Variants in ADAMTS19 observed in about 807,000 individuals in gnomAD.
ADAMTS19 encodes A disintegrin and metalloproteinase with thrombospondin motifs 19.
Under a neutral mutation model 153.3 loss-of-function variants are expected in ADAMTS19, and 93 were observed. That is an observed-to-expected ratio of 0.61 (90% CI 0.51 to 0.72). The LOEUF (loss-of-function observed/expected upper bound fraction) is 0.72. ADAMTS19 is among the 30% of genes least tolerant of loss of function. ADAMTS19 has a pLI of 0.00. For synonymous variants in ADAMTS19, 600 were observed against 556.6 expected (o/e 1.08, Z -1.10); for missense variants, 1,482 against 1,552.1 (o/e 0.95, Z 0.76).
chr5:129,671,836 A>G (rs1202417805), intron 16 of ADAMTS19, among the ~76,000 whole-genome samples: 1 of 152,206 alleles, frequency 6.6e-6, no homozygotes, highest in Non-Finnish European at 1.5e-5. Context: ...AAAAAATCTC[A>G]AAAAGGTCAT....
At chr5:129,462,085 G>A (rs964573792) in intron 2 of ADAMTS19, among the ~76,000 whole-genome samples, 1 of 152,268 alleles carries the variant, frequency 6.6e-6, no homozygotes, top group African/African-American at 2.4e-5. Context: ...TCCAAACTAA[G>A]CGCTCCACGT....
At chr5:129,693,323 C>T (rs987552824) in intron 18 of ADAMTS19, among the ~76,000 whole-genome samples, 1 of 152,154 alleles carries the variant, frequency 6.6e-6, no homozygotes, top group Admixed American at 6.6e-5. Flanking sequence ...ATGCCAGCTG[C>T]TCTTTCTGTT....
intron 2 of ADAMTS19, among the ~76,000 whole-genome samples, chr5:129,498,715 C>T (rs1581009705): frequency 1.3e-5 from 2 of 151,828 alleles, no homozygotes; most frequent in Non-Finnish European, 2.9e-5. Flanking sequence ...ATGGCAGGCT[C>T]CTTCTTTCAC....
intron 2 of ADAMTS19, among the ~76,000 whole-genome samples, chr5:129,464,149 A>G (rs1039050454): frequency 3.9e-5 from 6 of 152,244 alleles, no homozygotes; most frequent in African/African-American, 1.2e-4. Flanking sequence ...AGGGAATGAT[A>G]AAGAATGTCT....
chr5:129,482,482 A>G (rs1259453391), intron 2 of ADAMTS19, among the ~76,000 whole-genome samples: 2 of 152,206 alleles, frequency 1.3e-5, no homozygotes, highest in African/African-American at 4.8e-5. Flanking sequence ...TTTTTCTCCA[A>G]ATTAAGGGAA....
At chr5:129,689,170 T>G (rs989309104) in intron 18 of ADAMTS19, among the ~76,000 whole-genome samples, 2 of 152,118 alleles carry the variant, frequency 1.3e-5, no homozygotes, top group Admixed American at 6.5e-5. Flanking sequence ...CCTAAGCAGA[T>G]CTACTTTGAA....
chr5:129,534,241 T>A (rs1024415828), intron 6 of ADAMTS19, among the ~76,000 whole-genome samples: 3 of 152,258 alleles, frequency 2.0e-5, no homozygotes, highest in Admixed American at 2.0e-4. Context: ...AGTCTCTTTG[T>A]AGGTCACTAA....
At chr5:129,499,118 G>C (rs555014726) in intron 2 of ADAMTS19, among the ~76,000 whole-genome samples, 5 of 151,800 alleles carry the variant, frequency 3.3e-5, no homozygotes, top group Non-Finnish European at 7.4e-5. Flanking sequence ...AAATAAATTC[G>C]CTCCCTATAT....
intron 6 of ADAMTS19, among the ~76,000 whole-genome samples, chr5:129,550,048 ATCTGTATATG>A (rs1319598069): frequency 1.2e-4 from 8 of 66,886 alleles, no homozygotes; most frequent in Admixed American, 3.4e-4. Context: ...ATATACATGT[ATCTGTATATG>A]TATGTATCTA....
intron 21 of ADAMTS19, among the ~76,000 whole-genome samples, chr5:129,726,256 CTGTT>C (rs2127210212): frequency 6.6e-6 from 1 of 152,236 alleles, no homozygotes; most frequent in East Asian, 1.9e-4. Context: ...CAATATTAAA[CTGTT>C]TGGGGAACAG....
chr5:129,607,744 T>G (rs1358568519), intron 8 of ADAMTS19, among the ~76,000 whole-genome samples: 1 of 152,048 alleles, frequency 6.6e-6, no homozygotes, highest in African/African-American at 2.4e-5. Context: ...CCTGTCCAAC[T>G]ATTTCATCCA....
At chr5:129,685,938 G>A (rs750219190) in intron 18 of ADAMTS19, among the ~76,000 whole-genome samples, 15 of 152,270 alleles carry the variant, frequency 9.9e-5, no homozygotes, top group African/African-American at 1.9e-4. Context: ...ATAGGTGTTC[G>A]GAAGTTACAG....
intron 7 of ADAMTS19, among the ~76,000 whole-genome samples, chr5:129,554,349 T>C (rs1271085811): frequency 6.6e-6 from 1 of 152,170 alleles, no homozygotes; most frequent in Non-Finnish European, 1.5e-5. Context: ...TTATGATTAG[T>C]CTAGGCCTCT....
intron 6 of ADAMTS19, among the ~76,000 whole-genome samples, chr5:129,543,987 GTT>G (rs1046387477): frequency 6.6e-6 from 1 of 152,112 alleles, no homozygotes; most frequent in Non-Finnish European, 1.5e-5. Flanking sequence ...TTAAGGTTAT[GTT>G]TTATCTTCTC....
At chr5:129,524,791 A>C (rs557924687) in intron 3 of ADAMTS19, among the ~76,000 whole-genome samples, 9 of 151,750 alleles carry the variant, frequency 5.9e-5, no homozygotes, top group South Asian at 2.1e-4. Flanking sequence ...AGAAAATATC[A>C]ACACCACAGA....
intron 8 of ADAMTS19, among the ~76,000 whole-genome samples, chr5:129,598,167 A>T (rs73785213): frequency 6.6e-6 from 1 of 152,116 alleles, no homozygotes. Context: ...ATTTGACATA[A>T]AAGTAAGATT....
chr5:129,549,802 A>G (rs1040278659), intron 6 of ADAMTS19, among the ~76,000 whole-genome samples: 3 of 147,408 alleles, frequency 2.0e-5, no homozygotes, highest in Admixed American at 6.9e-5. Flanking sequence ...ACATATATCT[A>G]TATATACATA....
At chr5:129,694,198 G>A (rs898367791) in intron 18 of ADAMTS19, among the ~76,000 whole-genome samples, 5 of 152,066 alleles carry the variant, frequency 3.3e-5, no homozygotes, top group Admixed American at 3.3e-4. Flanking sequence ...TTGTAACAGG[G>A]AATATTTATT....
chr5:129,683,942 GAAT>G (rs150183463), intron 17 of ADAMTS19, among the ~76,000 whole-genome samples, 175 bp from the exon 18 acceptor site: 1,529 of 151,468 alleles, frequency 0.01, 20 homozygotes, highest in African/African-American at 0.034. Context: ...CTACATTTAA[GAAT>G]AATGTCACGT....
Sources: allele counts gnomAD v4.1 joint callset (sites outside exome capture counted in the v4.1 genomes callset), GRCh38; gene constraint gnomAD v4.1.1; transcripts MANE v1.5; gene names NCBI Gene and HGNC (gene_info 2026-07-23, HGNC 2026-07-21).